The following PLEKHA6 variants were observed in gnomAD, a reference collection of about 807,000 sequenced individuals.
PLEKHA6 encodes the protein pleckstrin homology domain-containing family A member 6.
A neutral mutation model predicts 116.7 loss-of-function variants in PLEKHA6; 60 were observed. The observed-to-expected ratio is 0.51, with a 90% CI of 0.42 to 0.64. PLEKHA6 has a LOEUF of 0.64. PLEKHA6 is among the 30% of genes least tolerant of loss of function. The probability of loss-of-function intolerance (pLI) is 0.00; values close to 1 mark genes in which losing one functional copy is unlikely to be tolerated. For missense variants in PLEKHA6, 1,338 were observed against 1,422.7 expected, an observed-to-expected ratio of 0.94 and a Z score of 0.96; for synonymous variants, 489 against 556.1, an observed-to-expected ratio of 0.88 and a Z score of 1.70.
At position 204,257,844 on chromosome 1, in the gene PLEKHA6, G is replaced by A. The variant is rs570366927; in HGVS notation, c.1033C>T (p.Arg345Cys). Residue 345 changes from arginine to cysteine, a missense_variant, in exon 9 of 23, where the codon CGC becomes TGC. By Grantham distance (180) the Arg-to-Cys change is radical (BLOSUM62 -3). Transcript: ENST00000272203. The surrounding 1 kb of genome is among the most constrained non-coding windows in gnomAD (Gnocchi z 6.5). ...RSPSRFYPVS[R>C]RVPEYYGPYS... ...GGGCCATAGTACTCAGGGACCCTGC[G>A]AGACACAGGATAGAACCTAGAGGGA... The A allele has an allele frequency of 9.9e-6, 16 of 1,613,048 alleles. No homozygotes were observed. Among genetic ancestry groups the A allele is most frequent in the South Asian group, 6.6e-5 (6 of 90,930 alleles).
rs1659688444 is a variant in PLEKHA6 at position 204,222,019 on chromosome 1, G to GCTCTCTCTCTCT, written c.*768_*769insAGAGAGAGAGAG. ...TGCTTCCCCCTCCTTCCACTCTGAGGATCTCTCTCTCTCTCTCTCTCTCTC... is the reference window on the plus strand; with the variant it reads ...TGCTTCCCCCTCCTTCCACTCTGAGGCTCTCTCTCTCTATCTCTCTCTCTCTCTCTCTCTCTC... On this transcript the variant is annotated 3_prime_UTR_variant, in exon 23 of 23. Transcript: ENST00000272203. The GCTCTCTCTCTCT allele has an allele frequency of 3.3e-5, 1 of 29,972 alleles. No homozygotes were observed. The allele number at this position is 29,972 out of a possible 1,614,324, so 1.9% of individuals were successfully genotyped here. A position where few individuals can be genotyped will look rare whatever the true frequency, so the allele number is the denominator to read the frequency against.
chr1:204,255,957 T>C (rs1428452956), intron 9 of PLEKHA6, among the ~76,000 whole-genome samples: 1 of 151,962 alleles, frequency 6.6e-6, no homozygotes, highest in African/African-American at 2.4e-5. Context: ...GAGAGGTGAG[T>C]GTCATCAGAG....
chr1:204,224,890 C>T (rs567855352), intron 21 of PLEKHA6, among the ~76,000 whole-genome samples: 3 of 152,318 alleles, frequency 2.0e-5, no homozygotes, highest in Non-Finnish European at 4.4e-5. Flanking sequence ...AAACCAAAAA[C>T]GAAGCAAAAG....
At chr1:204,233,714 G>A (rs1661549708) in intron 17 of PLEKHA6, among the ~76,000 whole-genome samples, 1 of 152,086 alleles carries the variant, frequency 6.6e-6, no homozygotes, top group African/African-American at 2.4e-5. Flanking sequence ...CTCCCAAAGT[G>A]CTGGGACTAC....
At chr1:204,367,479 TG>T (rs1673684934) in intron 3 of PLEKHA6, among the ~76,000 whole-genome samples, 1 of 152,188 alleles carries the variant, frequency 6.6e-6, no homozygotes, top group South Asian at 2.1e-4. Context: ...TCTGCCTGTG[TG>T]TCTAGAACAG....
chr1:204,312,880 TCTTTTC>T (rs2103172283), intron 1 of PLEKHA6, among the ~76,000 whole-genome samples: 1 of 143,994 alleles, frequency 6.9e-6, no homozygotes, highest in African/African-American at 2.8e-5. Context: ...TCTTTTCTTT[TCTTTTC>T]TTTTTTTTCT....
intron 1 of PLEKHA6, chr1:204,347,179 A>G: frequency 8.7e-7 from 1 of 1,149,760 alleles, no homozygotes; most frequent in Non-Finnish European, 1.3e-6. Context: ...ATACGTGGCC[A>G]AAGGAACAAC....
At chr1:204,283,352 C>T (rs1453147863) in intron 1 of PLEKHA6, among the ~76,000 whole-genome samples, 5 of 152,190 alleles carry the variant, frequency 3.3e-5, no homozygotes, top group Non-Finnish European at 5.9e-5. Context: ...CTCATTTTAA[C>T]AGTAAAACAA....
intron 1 of PLEKHA6, among the ~76,000 whole-genome samples, chr1:204,344,460 C>G (rs925277704): frequency 2.0e-5 from 3 of 151,842 alleles, no homozygotes; most frequent in Admixed American, 6.6e-5. Flanking sequence ...ATAAGCTGGA[C>G]GTGGTGGAGT....
intron 1 of PLEKHA6, among the ~76,000 whole-genome samples, chr1:204,281,424 C>T (rs1668595667): frequency 6.6e-6 from 1 of 152,090 alleles, no homozygotes; most frequent in East Asian, 1.9e-4. Flanking sequence ...ACTCAGGAGG[C>T]TGAGGCAGGA....
chr1:204,324,396 G>A (rs565754917), intron 1 of PLEKHA6, among the ~76,000 whole-genome samples: 2 of 152,176 alleles, frequency 1.3e-5, no homozygotes, highest in African/African-American at 2.4e-5. Context: ...GGGCCTCAAT[G>A]AATAAGCCCT....
intron 1 of PLEKHA6, chr1:204,325,802 T>C (rs1672221335): frequency 9.1e-6 from 5 of 552,314 alleles, no homozygotes; most frequent in Non-Finnish European, 1.2e-5. Flanking sequence ...CTACTCTGCC[T>C]GTCCCTAAGG....
At chr1:204,272,745 T>G (rs963425102) in intron 3 of PLEKHA6, among the ~76,000 whole-genome samples, 1 of 152,226 alleles carries the variant, frequency 6.6e-6, no homozygotes, top group Non-Finnish European at 1.5e-5. Flanking sequence ...CTGCTTTTCA[T>G]GTCTGTACAT....
At position 204,287,955 on chromosome 1, in the gene PLEKHA6, A is replaced by G. The variant is rs112823338; in HGVS notation, c.-94-13146T>C. Among the ~76,000 whole-genome samples the G allele has an allele frequency of 3.9e-3, 591 of 152,322 alleles. 3 individuals carry two copies. The highest frequency in any genetic ancestry group is 0.014 in the African/African-American group (575 of 41,578). ...AAAGATTTCCTTCTAATAAATAGTA[A>G]TGATACTGGAATCTGGCCTCAAGCT... On this transcript the variant is annotated intron_variant, in intron 1 of 22. Transcript: ENST00000272203.
At chr1:204,279,469 G>A (rs1455776977) in intron 1 of PLEKHA6, among the ~76,000 whole-genome samples, 1 of 152,218 alleles carries the variant, frequency 6.6e-6, no homozygotes, top group African/African-American at 2.4e-5. Context: ...AGGGAAACAA[G>A]GACAGGTAAT....
At chr1:204,341,677 G>C (rs1196891280) in intron 1 of PLEKHA6, among the ~76,000 whole-genome samples, 2 of 152,180 alleles carry the variant, frequency 1.3e-5, no homozygotes, top group African/African-American at 2.4e-5. Context: ...TACTGACAAA[G>C]CTGGGAGGGA....
rs139527439 is a variant in PLEKHA6 at position 204,285,925 on chromosome 1, T to C, written c.-94-11116A>G. Among the ~76,000 whole-genome samples, 424 of 152,174 alleles carry C rather than the reference T, an allele frequency of 2.8e-3. 2 individuals are homozygous for C. Among genetic ancestry groups the C allele is most frequent in the African/African-American group, 9.4e-3 (392 of 41,506 alleles). On this transcript the variant is annotated intron_variant, in intron 1 of 22. Transcript: ENST00000272203. ...GGATTGGCCAACCTCTAGCTGACGC[T>C]TGGGGGAGGAGGAGGAAAGGGAGGT...
intron 1 of PLEKHA6, chr1:204,282,521 C>T (rs2102973800): frequency 2.2e-6 from 1 of 464,612 alleles, no homozygotes; most frequent in East Asian, 1.6e-4. Flanking sequence ...TCTCCATGAC[C>T]CAGAGACAAA....
intron 21 of PLEKHA6, among the ~76,000 whole-genome samples, chr1:204,224,949 C>T (rs1242677870): frequency 4.6e-5 from 7 of 152,178 alleles, no homozygotes; most frequent in Non-Finnish European, 4.4e-5. Context: ...GGACATGCAG[C>T]GAGGCTCTCA....
Sources: gnomAD v4.1 joint callset for allele counts (sites outside exome capture counted in the v4.1 genomes callset) on GRCh38, gnomAD v4.1.1 for gene constraint, Gnocchi (gnomAD v3.1) non-coding constraint, MANE v1.5 for transcripts, NCBI Gene and HGNC (gene_info 2026-07-23, HGNC 2026-07-21) for gene names.